PIGK: variants seen among roughly 807,000 people sequenced by gnomAD.
The protein encoded by PIGK is GPI-anchor transamidase.
Under a neutral mutation model 50.6 loss-of-function variants are expected in PIGK, and 42 were observed. That is an observed-to-expected ratio of 0.83 (90% CI 0.65 to 1.07). PIGK has a LOEUF of 1.07. PIGK is among the 50% of genes least tolerant of loss of function. The pLI, the probability that PIGK is intolerant of heterozygous loss-of-function variation, is 0.00. For missense variants in PIGK, 448 were observed against 488.7 expected, an observed-to-expected ratio of 0.92 and a Z score of 0.78; for synonymous variants, 151 against 156.0, an observed-to-expected ratio of 0.97 and a Z score of 0.24.
At chr1:77,124,402 A>G (rs1011554782) in intron 9 of PIGK, among the ~76,000 whole-genome samples, 1 of 152,070 alleles carries the variant, frequency 6.6e-6, no homozygotes, top group Non-Finnish European at 1.5e-5. Flanking sequence ...TGAAGTCAGG[A>G]ATTCGAGACC....
At chr1:77,214,555 G>T (rs1387924839) in intron 1 of PIGK, among the ~76,000 whole-genome samples, 1 of 152,068 alleles carries the variant, frequency 6.6e-6, no homozygotes, top group Admixed American at 6.5e-5. Context: ...ATATTGAACA[G>T]GGAAAAGTTG....
At chr1:77,093,649 A>C (rs1653347223) in intron 10 of PIGK, among the ~76,000 whole-genome samples, 1 of 152,100 alleles carries the variant, frequency 6.6e-6, no homozygotes, top group Non-Finnish European at 1.5e-5. Context: ...CCAACGTTTA[A>C]AGTGGTTACA....
rs751362807 is a variant in PIGK, at chr1:77,092,391, TA to T, written c.1170del (p.His390GlnfsTer2). The T allele has an allele frequency of 2.4e-5, 38 of 1,557,132 alleles. No homozygotes were observed. The highest frequency in any genetic ancestry group is 3.3e-5 in the Non-Finnish European group (37 of 1,134,262). On this transcript the variant is annotated frameshift_variant, in exon 11 of 11. Coordinates refer to ENST00000370812, the MANE Select transcript of PIGK (RefSeq NM_005482.3). LOFTEE classifies it high-confidence loss of function. ...MVFFKTYGIK[H>X]MKFIF ...CATCAAGTCTAAAAAATGAACTTCA[TA>T]TGCTTAATTCCATAAGTTTTGAAGA...
intron 8 of PIGK, among the ~76,000 whole-genome samples, chr1:77,157,685 C>A (rs1164638395): frequency 1.3e-5 from 2 of 152,098 alleles, no homozygotes; most frequent in African/African-American, 2.4e-5. Context: ...ATCTTCAAAA[C>A]GAAGTTAGAA....
At chr1:77,182,505 A>AATCTATCAATCTATCT (rs1655639715) in intron 3 of PIGK, among the ~76,000 whole-genome samples, 1 of 150,220 alleles carries the variant, frequency 6.7e-6, no homozygotes, top group South Asian at 2.1e-4. Flanking sequence ...ACCCAGGATC[A>AATCTATCAATCTATCT]ATCTATCTAT....
intron 10 of PIGK, among the ~76,000 whole-genome samples, chr1:77,095,711 T>C (rs1653391742): frequency 6.6e-6 from 1 of 152,140 alleles, no homozygotes; most frequent in African/African-American, 2.4e-5. Flanking sequence ...TTTTTCCATA[T>C]ACTTCACCTT....
chr1:77,102,040 T>C (rs1365514496), intron 10 of PIGK, among the ~76,000 whole-genome samples: 3 of 152,116 alleles, frequency 2.0e-5, no homozygotes, highest in African/African-American at 7.2e-5. Context: ...ATGTAAAAGA[T>C]AGAATTCCAA....
At chr1:77,205,382 A>G (rs1220925059) in intron 3 of PIGK, among the ~76,000 whole-genome samples, 1 of 151,124 alleles carries the variant, frequency 6.6e-6, no homozygotes, top group Admixed American at 6.6e-5. Flanking sequence ...TAGTAATATT[A>G]TCTAGTTGCC....
intron 9 of PIGK, among the ~76,000 whole-genome samples, chr1:77,126,563 C>A (rs1246440836): frequency 6.6e-6 from 1 of 152,090 alleles, no homozygotes; most frequent in African/African-American, 2.4e-5. Flanking sequence ...TCTTTCCTTT[C>A]ACCACCACGA....
chr1:77,136,027 T>C (rs1218909192), intron 9 of PIGK, among the ~76,000 whole-genome samples: 2 of 152,214 alleles, frequency 1.3e-5, no homozygotes, highest in Non-Finnish European at 2.9e-5. Flanking sequence ...TCTGGTTCAT[T>C]TCCCTTTTTC....
intron 9 of PIGK, among the ~76,000 whole-genome samples, chr1:77,133,276 T>C (rs1419333314): frequency 6.6e-6 from 1 of 152,186 alleles, no homozygotes; most frequent in Non-Finnish European, 1.5e-5. Context: ...TCCAATTTGC[T>C]GTTAAGCCAT....
chr1:77,170,175 CT>C (rs918627321), intron 3 of PIGK, among the ~76,000 whole-genome samples: 1 of 152,230 alleles, frequency 6.6e-6, no homozygotes, highest in East Asian at 1.9e-4. Context: ...CCCATTATAT[CT>C]TTTTTTATTT....
intron 9 of PIGK, among the ~76,000 whole-genome samples, chr1:77,143,122 A>C (rs546017491): frequency 6.6e-6 from 1 of 152,304 alleles, no homozygotes; most frequent in South Asian, 2.1e-4. Flanking sequence ...CTAAAGTGTT[A>C]TTGTATAAAT....
At chr1:77,108,432 G>A (rs1440912426) in intron 10 of PIGK, among the ~76,000 whole-genome samples, 1 of 152,104 alleles carries the variant, frequency 6.6e-6, no homozygotes, top group Non-Finnish European at 1.5e-5. Context: ...CTCTCTTCTG[G>A]CTTGTAGAGT....
chr1:77,114,713 T>C (rs1653924742), intron 10 of PIGK, among the ~76,000 whole-genome samples: 1 of 152,164 alleles, frequency 6.6e-6, no homozygotes, highest in Non-Finnish European at 1.5e-5. Context: ...TAATAAGTTA[T>C]AATATGAAAG....
intron 9 of PIGK, among the ~76,000 whole-genome samples, chr1:77,130,147 G>A (rs1452341861): frequency 1.4e-5 from 2 of 146,042 alleles, no homozygotes; most frequent in Non-Finnish European, 3.0e-5. Flanking sequence ...TACAAATAAC[G>A]TCACCACACT....
At chr1:77,209,061 T>G (rs894429617) in intron 2 of PIGK, among the ~76,000 whole-genome samples, 1 of 152,188 alleles carries the variant, frequency 6.6e-6, no homozygotes, top group Non-Finnish European at 1.5e-5. Context: ...CATGCATTAC[T>G]GGCTTTGAGA....
intron 4 of PIGK, among the ~76,000 whole-genome samples, chr1:77,168,551 C>G (rs1224238924): frequency 6.6e-6 from 1 of 151,564 alleles, no homozygotes; most frequent in Non-Finnish European, 1.5e-5. Flanking sequence ...ACACCAGGCT[C>G]TAGGTACTTG....
chr1:77,166,855 T>A (rs1470072258), intron 4 of PIGK, 25 bp from the exon 5 acceptor site: 1 of 1,048,780 alleles, frequency 9.5e-7, no homozygotes, highest in East Asian at 2.4e-5. Context: ...ACAAGAAAAA[T>A]CAGATGAAAT....
Sources: gnomAD v4.1 joint callset for allele counts (sites outside exome capture counted in the v4.1 genomes callset) on GRCh38, gnomAD v4.1.1 for gene constraint, MANE v1.5 for transcripts, NCBI Gene and HGNC (gene_info 2026-07-23, HGNC 2026-07-21) for gene names.